The following ACER3 variants were observed in gnomAD, a reference collection of about 807,000 sequenced individuals.
ACER3 encodes the protein alkCDase 3.
Under a neutral mutation model 48.9 loss-of-function variants are expected in ACER3, and 16 were observed. The ratio of observed to expected loss-of-function variants is 0.33; its 90% CI spans 0.22 to 0.50. The LOEUF (loss-of-function observed/expected upper bound fraction) is 0.50, where lower values mean the gene tolerates loss of function less well. Among genes scored for constraint, ACER3 ranks in the 20% least tolerant of loss-of-function variants. The pLI is 0.98. For missense variants in ACER3, 227 were observed against 326.0 expected (o/e 0.70, Z 2.34); for synonymous variants, 109 against 107.8 (o/e 1.01, Z -0.07).
intron 1 of ACER3, among the ~76,000 whole-genome samples, chr11:76,865,806 G>A (rs1256594003): frequency 6.9e-6 from 1 of 145,946 alleles, no homozygotes; most frequent in Non-Finnish European, 1.5e-5. Flanking sequence ...ACCTTGCCCA[G>A]CATCTTTTTT....
At chr11:76,951,288 C>G (rs1947661598) in intron 2 of ACER3, among the ~76,000 whole-genome samples, 1 of 152,158 alleles carries the variant, frequency 6.6e-6, no homozygotes, top group Admixed American at 6.6e-5. Context: ...TTGTGTCTTG[C>G]TGATTTTTAT....
intron 2 of ACER3, chr11:76,955,339 A>G (rs1371963048): frequency 6.6e-6 from 1 of 152,234 alleles, no homozygotes; most frequent in Non-Finnish European, 1.5e-5. Flanking sequence ...ATATGTTCAT[A>G]ATAGTGAAAA....
At chr11:76,989,888 A>G (rs146614633) in intron 5 of ACER3, among the ~76,000 whole-genome samples, 1 of 152,344 alleles carries the variant, frequency 6.6e-6, no homozygotes, top group East Asian at 1.9e-4. Context: ...TTAATCATCC[A>G]CATGACATTG....
intron 1 of ACER3, among the ~76,000 whole-genome samples, chr11:76,905,261 A>T (rs1375159894): frequency 6.6e-6 from 1 of 152,198 alleles, no homozygotes; most frequent in African/African-American, 2.4e-5. Context: ...CTTACCTTTA[A>T]ATTAAAAAAA....
chr11:76,907,037 T>G (rs1388089408), intron 1 of ACER3, among the ~76,000 whole-genome samples: 1 of 152,262 alleles, frequency 6.6e-6, no homozygotes, highest in African/African-American at 2.4e-5. Context: ...TAGCATCTGG[T>G]GCAAAATAGA....
Position 76,915,472 on chromosome 11 carries a change from C to G in ACER3, c.104-11085C>G, listed in dbSNP as rs550883811. ...AGATCGTACTTCACCATTTTTGTCT[C>G]GATGTTAACAGGTGTGGACCATCCG... On this transcript the variant is annotated intron_variant, in intron 1 of 10. Coordinates refer to ENST00000532485, the MANE Select transcript of ACER3 (RefSeq NM_018367.7). 3.3e-5 allele frequency among the ~76,000 whole-genome samples: 5 copies of G among 152,078 alleles called. No homozygotes were observed. The East Asian group carries it at 9.7e-4, about 30-fold the overall frequency.
rs1949529067 is a variant in ACER3 at position 77,024,935 on chromosome 11, G to A, written c.*4608G>A. ...CCTAAAATTCCCCTACTCTAGCTCA[G>A]CAGCCATCAGTCAGTATAGCATCAG... On this transcript the variant is annotated 3_prime_UTR_variant, in exon 11 of 11. Transcript: ENST00000532485. The A allele has an allele frequency of 6.6e-6, 1 of 152,150 alleles. No homozygotes were observed. Among genetic ancestry groups the A allele is most frequent in the Admixed American group, 6.5e-5 (1 of 15,270 alleles). 9.4% of individuals were successfully genotyped at this position (152,150 alleles called of 1,614,324 possible). A position where few individuals can be genotyped will look rare whatever the true frequency, so the allele number is the denominator to read the frequency against.
intron 9 of ACER3, 63 bp from the exon 10 acceptor site, chr11:77,019,668 A>G: frequency 6.6e-7 from 1 of 1,506,006 alleles, no homozygotes; most frequent in Non-Finnish European, 9.2e-7. Flanking sequence ...GTTTGTCAGT[A>G]CGCCAGTTTG....
At chr11:76,910,502 A>C (rs1301427343) in intron 1 of ACER3, among the ~76,000 whole-genome samples, 4 of 152,204 alleles carry the variant, frequency 2.6e-5, no homozygotes, top group Admixed American at 2.0e-4. Context: ...TTCCTTGCTT[A>C]CTCAATTCAC....
intron 1 of ACER3, among the ~76,000 whole-genome samples, chr11:76,907,832 C>A (rs6592681): frequency 0.11 from 16,247 of 152,162 alleles, 2,859 homozygotes; most frequent in African/African-American, 0.37. Flanking sequence ...GATCATACCA[C>A]TGCACTCCAG....
rs181247177 is a variant in ACER3 at position 76,878,184 on chromosome 11, C to T, written c.103+17105C>T. The stretch of plus-strand genomic sequence containing the variant: ...AGAAATGTAAGGGTTTCTGTGTATA[C>T]TTAGGAGTGTAATTGTTAGAATATA... On this transcript the variant is annotated intron_variant, in intron 1 of 10. Coordinates refer to ENST00000532485, the MANE Select transcript of ACER3 (RefSeq NM_018367.7). 1.3e-3 allele frequency among the ~76,000 whole-genome samples: 205 copies of T among 152,028 alleles called. 2 individuals are homozygous for T. The highest frequency in any genetic ancestry group is 4.7e-3 in the African/African-American group (195 of 41,508).
At chr11:76,869,155 A>G (rs1049019699) in intron 1 of ACER3, among the ~76,000 whole-genome samples, 1 of 152,034 alleles carries the variant, frequency 6.6e-6, no homozygotes, top group Non-Finnish European at 1.5e-5. Flanking sequence ...AGCTGACACT[A>G]TCTCGAGGTG....
At chr11:76,899,538 A>G (rs778156356) in intron 1 of ACER3, among the ~76,000 whole-genome samples, 5 of 152,148 alleles carry the variant, frequency 3.3e-5, no homozygotes, top group Non-Finnish European at 7.4e-5. Flanking sequence ...AGCCCCCTTT[A>G]TAATTTATAT....
chr11:76,997,707 G>A (rs1056313821), intron 6 of ACER3, among the ~76,000 whole-genome samples: 1 of 152,048 alleles, frequency 6.6e-6, no homozygotes, highest in Non-Finnish European at 1.5e-5. Context: ...ATGTGGTTAC[G>A]CACACCTCTA....
At chr11:76,897,993 A>G (rs1231438083) in intron 1 of ACER3, among the ~76,000 whole-genome samples, 2 of 152,170 alleles carry the variant, frequency 1.3e-5, no homozygotes, top group African/African-American at 2.4e-5. Context: ...ATTTAATACA[A>G]TTAGTAATTT....
chr11:76,902,219 A>T (rs188180359), intron 1 of ACER3, among the ~76,000 whole-genome samples: 1 of 152,246 alleles, frequency 6.6e-6, no homozygotes, highest in Admixed American at 6.5e-5. Context: ...CCCTTTCTAA[A>T]ATTATCAAAC....
chr11:76,914,438 G>GA (rs1489555997), intron 1 of ACER3, among the ~76,000 whole-genome samples: 1 of 152,144 alleles, frequency 6.6e-6, no homozygotes, highest in East Asian at 1.9e-4. Context: ...AAAAACACAT[G>GA]AAAAAATGCT....
intron 3 of ACER3, among the ~76,000 whole-genome samples, chr11:76,964,459 AGAG>A (rs1393468273): frequency 6.6e-6 from 1 of 151,290 alleles, no homozygotes; most frequent in African/African-American, 2.5e-5. Context: ...AGCTTTGAAG[AGAG>A]TAGTGGTTCT....
intron 7 of ACER3, among the ~76,000 whole-genome samples, chr11:77,011,104 A>G (rs1949254488): frequency 6.6e-6 from 1 of 152,208 alleles, no homozygotes; most frequent in Admixed American, 6.5e-5. Flanking sequence ...GATTTCTCAG[A>G]TGACAGCTGT....
Sources: allele counts gnomAD v4.1 joint callset (sites outside exome capture counted in the v4.1 genomes callset), GRCh38; gene constraint gnomAD v4.1.1; transcripts MANE v1.5; gene names NCBI Gene and HGNC (gene_info 2026-07-23, HGNC 2026-07-21).